Variants in KAT6B observed in about 807,000 individuals in gnomAD.
KAT6B encodes lysine acetyltransferase 6B, also known as histone acetyltransferase KAT6B.
In KAT6B, 10 loss-of-function variants were observed where a neutral mutation model predicts 187.5. That is an observed-to-expected ratio of 0.05 (90% confidence interval 0.03 to 0.09). The LOEUF is 0.09. Among genes scored for constraint, KAT6B ranks in the 10% least tolerant of loss-of-function variants. The probability of loss-of-function intolerance (pLI) is 1.00; values close to 1 mark genes in which losing one functional copy is unlikely to be tolerated. For missense variants in KAT6B, 1,952 were observed against 2,558.9 expected (o/e 0.76, Z 5.12); for synonymous variants, 861 against 926.8 (o/e 0.93, Z 1.29).
At chr10:74,826,031 TTCGCGTGCCCGCCC>T (rs910976431), upstream of KAT6B, among the ~76,000 whole-genome samples, 53 of 151,658 alleles carry the variant, frequency 3.5e-4, no homozygotes, top group Non-Finnish European at 5.5e-4. Flanking sequence ...GAATTTTAAC[TTCGCGTGCCCGCCC>T]GCGCGCGCCC....
chr10:74,984,826 CCTT>C, intron 11 of KAT6B: 1 of 477,846 alleles, frequency 2.1e-6, no homozygotes, highest in East Asian at 4.0e-5. Flanking sequence ...GTGGTTTGGC[CCTT>C]CTTTGGTAGC....
chr10:74,908,780 A>C (rs181422870), intron 3 of KAT6B, among the ~76,000 whole-genome samples: 11 of 152,260 alleles, frequency 7.2e-5, no homozygotes, highest in African/African-American at 2.4e-4. Context: ...CAGTTAAATC[A>C]TGATATAAGT....
At chr10:74,848,540 CA>C (rs1377876407) in intron 3 of KAT6B, among the ~76,000 whole-genome samples, 2 of 144,146 alleles carry the variant, frequency 1.4e-5, no homozygotes, top group African/African-American at 5.7e-5. Flanking sequence ...ACAACAACAA[CA>C]TTTTTTTGTG....
At chr10:75,018,346 T>C (rs1456817038) in intron 13 of KAT6B, among the ~76,000 whole-genome samples, 2 of 152,230 alleles carry the variant, frequency 1.3e-5, no homozygotes, top group Non-Finnish European at 2.9e-5. Context: ...CTGAAGTCTG[T>C]GTCCAAGGGA....
At chr10:74,829,516 G>A in intron 1 of KAT6B, among the ~76,000 whole-genome samples, 1 of 150,848 alleles carries the variant, frequency 6.6e-6, no homozygotes, top group African/African-American at 2.4e-5. Flanking sequence ...GCAGTGGCAC[G>A]ATCTCGGCTC....
chr10:74,889,069 T>C (rs1845481912), intron 3 of KAT6B, among the ~76,000 whole-genome samples: 5 of 152,314 alleles, frequency 3.3e-5, no homozygotes, highest in Admixed American at 2.6e-4. Flanking sequence ...ACATTACAAG[T>C]GATAAGATCT....
At chr10:74,942,683 T>G (rs893657963) in intron 3 of KAT6B, among the ~76,000 whole-genome samples, 2 of 142,072 alleles carry the variant, frequency 1.4e-5, no homozygotes. Context: ...GAGAATCGCT[T>G]GAACCCGGGA....
chr10:74,912,494 A>G (rs887641830), intron 3 of KAT6B, among the ~76,000 whole-genome samples: 1 of 152,148 alleles, frequency 6.6e-6, no homozygotes, highest in Admixed American at 6.5e-5. Flanking sequence ...AGTCATTCAT[A>G]TATATAACTT....
chr10:74,984,785 TAAATTACAAGTAA>T lies in KAT6B; in HGVS notation c.2374-287_2374-275del, dbSNP rs1462724368. 7.6e-6 allele frequency: 3 copies of T among 397,268 alleles called. No homozygotes were observed. In the Admixed American group the frequency reaches 1.2e-4, roughly 16 times the overall value. The allele number at this position is 397,268 out of a possible 1,614,324, so 24.6% of individuals were successfully genotyped here. On this transcript the variant is annotated intron_variant, in intron 11 of 17. Transcript: ENST00000287239. ...ATGCCTGATCATTTTTAGCTCAGAA[TAAATTACAAGTAA>T]AAATTACTCCTTTACTAGTGGTTTG...
intron 3 of KAT6B, among the ~76,000 whole-genome samples, chr10:74,876,117 G>A (rs2132462901): frequency 6.6e-6 from 1 of 152,160 alleles, no homozygotes; most frequent in South Asian, 2.1e-4. Flanking sequence ...TTATAAACCA[G>A]GAAGGGAACA....
At position 75,004,068 on chromosome 10, in the gene KAT6B, A is replaced by T. The variant is rs573111692; in HGVS notation, c.2629+14956A>T. On this transcript the variant is annotated intron_variant, in intron 13 of 17. Coordinates refer to ENST00000287239, the MANE Select transcript of KAT6B (RefSeq NM_012330.4). Reference sequence around the variant, plus strand: ...TGCAGGTGGTTGGTTTTTTTTTTTTACCAAACAAATTTTTTGTCTGTTTGG... The same window carrying T: ...TGCAGGTGGTTGGTTTTTTTTTTTTTCCAAACAAATTTTTTGTCTGTTTGG... Among the ~76,000 whole-genome samples the T allele has an allele frequency of 4.5e-4, 66 of 148,264 alleles. 1 individual carries two copies. In the South Asian group the frequency reaches 9.2e-3, roughly 21 times the overall value.
intron 3 of KAT6B, among the ~76,000 whole-genome samples, chr10:74,955,385 C>A (rs1259698163): frequency 3.2e-5 from 4 of 124,434 alleles, no homozygotes; most frequent in African/African-American, 9.2e-5. Context: ...CAATTTTATC[C>A]CCCCCCCCCC....
intron 3 of KAT6B, among the ~76,000 whole-genome samples, chr10:74,846,074 G>A (rs1842081082): frequency 6.6e-6 from 1 of 152,042 alleles, no homozygotes; most frequent in African/African-American, 2.4e-5. Context: ...ATGTTGCCCA[G>A]GCTGGTCTCG....
chr10:74,937,794 T>G (rs1276859109), intron 3 of KAT6B, among the ~76,000 whole-genome samples: 1 of 152,248 alleles, frequency 6.6e-6, no homozygotes, highest in African/African-American at 2.4e-5. Flanking sequence ...CTTTTGCTCT[T>G]AAATTATTGC....
chr10:74,904,071 A>C (rs1846587088), intron 3 of KAT6B, among the ~76,000 whole-genome samples: 1 of 152,182 alleles, frequency 6.6e-6, no homozygotes, highest in Admixed American at 6.5e-5. Context: ...AGATGAGCAC[A>C]GTTTCCATGG....
At position 74,906,385 on chromosome 10, in the gene KAT6B, G is replaced by A. The variant is rs533884470; in HGVS notation, c.622-53585G>A. Among the ~76,000 whole-genome samples, 82 of 152,108 alleles carry A rather than the reference G, an allele frequency of 5.4e-4. 2 individuals are homozygous for A. The East Asian group carries it at 0.012, about 22-fold the overall frequency. On this transcript the variant is annotated intron_variant, in intron 3 of 17. Transcript: ENST00000287239. ...ACTGCACTCCAGCCTGGGTGATAGG[G>A]ACTCCACCTCAAAAAAAAAATCTTT...
chr10:74,844,126 G>A (rs999555300), intron 3 of KAT6B, among the ~76,000 whole-genome samples: 1 of 152,224 alleles, frequency 6.6e-6, no homozygotes, highest in Non-Finnish European at 1.5e-5. Flanking sequence ...CGCCCGCCTC[G>A]GCCTCCCAAA....
chr10:74,978,490 C>T (rs1156876369), intron 9 of KAT6B, among the ~76,000 whole-genome samples: 1 of 152,116 alleles, frequency 6.6e-6, no homozygotes. Flanking sequence ...CTTTTTTTGG[C>T]CTACTTCTGA....
intron 16 of KAT6B, among the ~76,000 whole-genome samples, chr10:75,023,243 C>A (rs763884174): frequency 2.6e-5 from 4 of 152,196 alleles, no homozygotes; most frequent in Non-Finnish European, 5.9e-5. Context: ...AGAGATATCA[C>A]AATACAAGCT....
Sources: gnomAD v4.1 joint callset for allele counts (sites outside exome capture counted in the v4.1 genomes callset) on GRCh38, gnomAD v4.1.1 for gene constraint, MANE v1.5 for transcripts, NCBI Gene and HGNC (gene_info 2026-07-23, HGNC 2026-07-21) for gene names.